The following FHIT variants were observed in gnomAD, a reference collection of about 807,000 sequenced individuals.
FHIT encodes the protein fragile histidine triad diadenosine triphosphatase, also known as bis(5'-adenosyl)-triphosphatase.
A neutral mutation model predicts 17.9 loss-of-function variants in FHIT; 19 were observed. The ratio of observed to expected loss-of-function variants is 1.06; its 90% CI spans 0.74 to 1.56. The LOEUF is 1.56. Among genes scored for constraint, FHIT ranks in the 40% most tolerant of loss-of-function variants. The pLI is 0.00. For missense variants in FHIT, 248 were observed against 189.2 expected, an observed-to-expected ratio of 1.31 and a Z score of -1.82; for synonymous variants, 81 against 69.7, an observed-to-expected ratio of 1.16 and a Z score of -0.81.
chr3:60,379,354 C>T (rs1159101035), intron 5 of FHIT, among the ~76,000 whole-genome samples: 3 of 151,950 alleles, frequency 2.0e-5, no homozygotes, highest in South Asian at 4.1e-4. Context: ...CAAAATATTG[C>T]TTTCAGTCAG....
At chr3:59,789,846 G>T (rs781219316) in intron 8 of FHIT, among the ~76,000 whole-genome samples, 1 of 152,144 alleles carries the variant, frequency 6.6e-6, no homozygotes, top group African/African-American at 2.4e-5. Flanking sequence ...TGAGCTACCT[G>T]GGAAAGTGAA....
chr3:59,967,965 C>T (rs781101475), intron 7 of FHIT, among the ~76,000 whole-genome samples: 4 of 152,098 alleles, frequency 2.6e-5, no homozygotes, highest in Non-Finnish European at 4.4e-5. Flanking sequence ...AGTTATATGA[C>T]ATACTCTCTC....
chr3:60,637,600 T>C (rs1434792259), intron 4 of FHIT, among the ~76,000 whole-genome samples: 1 of 152,194 alleles, frequency 6.6e-6, no homozygotes, highest in East Asian at 1.9e-4. Flanking sequence ...TGGCTGTCTA[T>C]TGTAAAGCCA....
At chr3:60,266,504 T>C (rs575100845) in intron 5 of FHIT, among the ~76,000 whole-genome samples, 2 of 152,090 alleles carry the variant, frequency 1.3e-5, no homozygotes, top group Non-Finnish European at 2.9e-5. Flanking sequence ...TCTGATAATG[T>C]TCCGAAAACC....
At chr3:61,015,653 G>A (rs1471737207) in intron 3 of FHIT, among the ~76,000 whole-genome samples, 1 of 152,052 alleles carries the variant, frequency 6.6e-6, no homozygotes, top group Non-Finnish European at 1.5e-5. Context: ...TGCAACTCCT[G>A]GTTATTAGAA....
intron 5 of FHIT, among the ~76,000 whole-genome samples, chr3:60,193,525 G>C (rs926061407): frequency 6.6e-6 from 1 of 152,128 alleles, no homozygotes; most frequent in African/African-American, 2.4e-5. Context: ...ATTTCAAAAA[G>C]AAAATGGACA....
chr3:60,082,465 GTTTCT>G (rs1703330112), intron 5 of FHIT, among the ~76,000 whole-genome samples: 1 of 152,032 alleles, frequency 6.6e-6, no homozygotes, highest in South Asian at 2.1e-4. Flanking sequence ...TGGTGGAACA[GTTTCT>G]TTTCTTTTGA....
intron 2 of FHIT, among the ~76,000 whole-genome samples, chr3:61,128,752 T>G (rs539875314): frequency 6.6e-6 from 1 of 152,128 alleles, no homozygotes; most frequent in African/African-American, 2.4e-5. Context: ...GGGAAACACT[T>G]ATCTTGTGAA....
rs921345980 is a variant in FHIT, at chr3:59,749,518, G to T, written c.*67C>A. On this transcript the variant is annotated 3_prime_UTR_variant, in exon 10 of 10. Transcript: ENST00000492590. Reference sequence around the variant, plus strand: ...TTCAGTTCCTCTTGGGGAGAGGCGGGGGGCGGTCTTCAAACTGGTTGGCAA... The same window carrying T: ...TTCAGTTCCTCTTGGGGAGAGGCGGTGGGCGGTCTTCAAACTGGTTGGCAA... 87 of 231,488 alleles carry T rather than the reference G, an allele frequency of 3.8e-4. No homozygotes were observed. The highest frequency in any genetic ancestry group is 1.5e-3 in the African/African-American group (69 of 45,124). The allele number at this position is 231,488 out of a possible 1,614,324, so 14.3% of individuals were successfully genotyped here. A position where few individuals can be genotyped will look rare whatever the true frequency, so the allele number is the denominator to read the frequency against.
chr3:60,002,902 T>C (rs1478389468), intron 7 of FHIT, among the ~76,000 whole-genome samples: 1 of 152,164 alleles, frequency 6.6e-6, no homozygotes, highest in Non-Finnish European at 1.5e-5. Flanking sequence ...AAATTGCAGT[T>C]GATATTCTGG....
chr3:59,898,909 A>C (rs1275026531), intron 8 of FHIT, among the ~76,000 whole-genome samples: 1 of 152,194 alleles, frequency 6.6e-6, no homozygotes, highest in Non-Finnish European at 1.5e-5. Context: ...GTCAGATAGA[A>C]TCCTCCTCCA....
At chr3:59,788,514 G>T (rs1699407491) in intron 8 of FHIT, among the ~76,000 whole-genome samples, 1 of 152,120 alleles carries the variant, frequency 6.6e-6, no homozygotes, top group South Asian at 2.1e-4. Context: ...TGCCTCCTGT[G>T]GTTAGGGGCC....
chr3:60,204,099 C>T (rs1210529498), intron 5 of FHIT, among the ~76,000 whole-genome samples: 1 of 151,948 alleles, frequency 6.6e-6, no homozygotes, highest in Admixed American at 6.6e-5. Context: ...GCTTCTAACA[C>T]AAAGGAAAAA....
intron 2 of FHIT, among the ~76,000 whole-genome samples, chr3:61,055,581 A>T (rs1255225914): frequency 6.6e-6 from 1 of 152,028 alleles, no homozygotes; most frequent in East Asian, 1.9e-4. Flanking sequence ...AGAACCAAGT[A>T]CTCTACAGTT....
intron 2 of FHIT, among the ~76,000 whole-genome samples, chr3:61,066,193 G>A (rs879517404): frequency 6.6e-6 from 1 of 152,082 alleles, no homozygotes; most frequent in Admixed American, 6.5e-5. Context: ...TATTCACGGG[G>A]GTAGATCCCC....
intron 3 of FHIT, among the ~76,000 whole-genome samples, chr3:60,877,046 G>C (rs1553756713): frequency 6.6e-6 from 1 of 152,176 alleles, no homozygotes. Context: ...CCTCACTACT[G>C]GAGTCCTTGT....
Position 59,986,552 on chromosome 3 carries a change from C to T in FHIT, c.279+24819G>A, listed in dbSNP as rs1372303909. 5.2e-5 allele frequency among the ~76,000 whole-genome samples: 2 copies of T among 38,178 alleles called. 1 individual carries two copies. Among genetic ancestry groups the T allele is most frequent in the Non-Finnish European group, 8.7e-5 (2 of 22,922 alleles). The allele number at this position is 38,178 out of a possible 152,430, so 25.0% of individuals were successfully genotyped here. ...ATATATATATATATACACACACACA[C>T]ACACACACACACACACATATATACA... On this transcript the variant is annotated intron_variant, in intron 7 of 9. Coordinates refer to ENST00000492590, the MANE Select transcript of FHIT (RefSeq NM_002012.4).
intron 2 of FHIT, among the ~76,000 whole-genome samples, chr3:61,105,115 T>C (rs2035952114): frequency 6.6e-6 from 1 of 152,190 alleles, no homozygotes; most frequent in Admixed American, 6.6e-5. Context: ...GGAGAAGTGA[T>C]GTGATTGTCT....
intron 2 of FHIT, among the ~76,000 whole-genome samples, chr3:61,086,214 A>AT (rs2035302711): frequency 6.6e-6 from 1 of 152,178 alleles, no homozygotes; most frequent in African/African-American, 2.4e-5. Flanking sequence ...TCACTTAAGT[A>AT]TGATATTTGC....
Sources: allele counts gnomAD v4.1 joint callset (sites outside exome capture counted in the v4.1 genomes callset), GRCh38; gene constraint gnomAD v4.1.1; transcripts MANE v1.5; gene names NCBI Gene and HGNC (gene_info 2026-07-23, HGNC 2026-07-21).